TMEM245: variants seen among roughly 807,000 people sequenced by gnomAD.
The protein encoded by TMEM245 is protein CG-2.
A neutral mutation model predicts 101.2 loss-of-function variants in TMEM245; 69 were observed. The ratio of observed to expected loss-of-function variants is 0.68; its 90% CI spans 0.56 to 0.83. The LOEUF is 0.83. Ranked by LOEUF, TMEM245 falls within the 40% of genes least tolerant of loss-of-function variation. The pLI, the probability that TMEM245 is intolerant of heterozygous loss-of-function variation, is 0.00. For synonymous variants in TMEM245, 537 were observed against 449.8 expected, an observed-to-expected ratio of 1.19 and a Z score of -2.45; for missense variants, 1,075 against 1,092.8, an observed-to-expected ratio of 0.98 and a Z score of 0.23.
chr9:109,020,385 G>T lies in TMEM245; in HGVS notation c.*75C>A. The T allele has an allele frequency of 6.9e-7, 1 of 1,439,482 alleles. No individual in the cohort carries two copies. The highest frequency in any genetic ancestry group is 9.8e-7 in the Non-Finnish European group (1 of 1,020,762). The allele number at this position is 1,439,482 out of a possible 1,614,324, so 89.2% of individuals were successfully genotyped here. The stretch of plus-strand genomic sequence containing the variant: ...TTGCTTGCTAGGCACAGCTGGAAGG[G>T]CAGAGGGCCACAGCTGAGCTGAACT... On this transcript the variant is annotated 3_prime_UTR_variant, in exon 18 of 18. Transcript: ENST00000374586.
intron 14 of TMEM245, among the ~76,000 whole-genome samples, chr9:109,041,412 C>T (rs987709008): frequency 1.3e-5 from 2 of 148,792 alleles, no homozygotes; most frequent in African/African-American, 5.0e-5. Context: ...AAGAGTTGAA[C>T]TCATAGAAGT....
At chr9:109,063,188 C>T (rs1201893232) in intron 10 of TMEM245, among the ~76,000 whole-genome samples, 3 of 151,730 alleles carry the variant, frequency 2.0e-5, no homozygotes, top group African/African-American at 7.3e-5. Flanking sequence ...GGCATGATCT[C>T]GGCTCACTGC....
At position 109,055,760 on chromosome 9, in the gene TMEM245, G is replaced by T. The variant is rs186663289; in HGVS notation, c.1854+1431C>A. 3.8e-4 allele frequency among the ~76,000 whole-genome samples: 58 copies of T among 151,938 alleles called. No homozygotes were observed. The East Asian group carries it at 0.011, about 28-fold the overall frequency. On this transcript the variant is annotated intron_variant, in intron 12 of 17. Transcript: ENST00000374586. ...AGCGATTCTCCTGCCTCAGCCTCCC[G>T]AGTATCTGGGATTACAGGCATGCGC...
At chr9:109,092,471 C>T (rs1157731188) in intron 4 of TMEM245, among the ~76,000 whole-genome samples, 1 of 152,228 alleles carries the variant, frequency 6.6e-6, no homozygotes, top group Non-Finnish European at 1.5e-5. Context: ...TTAACAGATG[C>T]TTTTGTTTGA....
chr9:109,036,494 C>T (rs1375921685), intron 15 of TMEM245, 114 bp from the exon 16 acceptor site: 3 of 1,004,302 alleles, frequency 3.0e-6, no homozygotes, highest in African/African-American at 3.3e-5. Context: ...AAGTTAAATA[C>T]TCACAAACTC....
chr9:109,114,729 C>T (rs1830665445), intron 1 of TMEM245, among the ~76,000 whole-genome samples: 1 of 152,158 alleles, frequency 6.6e-6, no homozygotes, highest in African/African-American at 2.4e-5. Flanking sequence ...GATCAGAATG[C>T]CCCCCAACAG....
intron 11 of TMEM245, among the ~76,000 whole-genome samples, chr9:109,059,211 A>G (rs1422357865): frequency 6.6e-6 from 1 of 152,154 alleles, no homozygotes; most frequent in African/African-American, 2.4e-5. Context: ...TATTCCCTGA[A>G]TATTTTTTCC....
intron 3 of TMEM245, among the ~76,000 whole-genome samples, chr9:109,102,880 G>C (rs1469355106): frequency 6.6e-6 from 1 of 152,230 alleles, no homozygotes; most frequent in Non-Finnish European, 1.5e-5. Flanking sequence ...TTTGTGTTCA[G>C]ATTTACCTCT....
Position 109,119,833 on chromosome 9 carries a change from G to T in TMEM245, c.81C>A (p.Val27=). The change falls in exon 1 of 18, where the codon GTC becomes GTA. Residue 27 remains valine, a synonymous_variant. Coordinates refer to ENST00000374586, the MANE Select transcript of TMEM245 (RefSeq NM_032012.4). The part of the protein sequence containing the change: ...PGPAPRVPRA[V]GPSGGGGETP... Reference sequence around the variant, plus strand: ...TCTCCCCGCCACCGCCACTCGGCCCGACCGCGCGCGGGACCCGCGGCGCCG... The same window carrying T: ...TCTCCCCGCCACCGCCACTCGGCCCTACCGCGCGCGGGACCCGCGGCGCCG... 1.5e-6 allele frequency: 2 copies of T among 1,354,906 alleles called. No individual in the cohort carries two copies. The highest frequency in any genetic ancestry group is 3.8e-5 in the South Asian group (2 of 52,502). The allele number at this position is 1,354,906 out of a possible 1,614,324, so 83.9% of individuals were successfully genotyped here.
chr9:109,038,984 G>C (rs974031675), intron 14 of TMEM245: 9 of 152,240 alleles, frequency 5.9e-5, no homozygotes, highest in Non-Finnish European at 8.8e-5. Context: ...GGGTGGTGCA[G>C]AGGGGTGCAG....
At chr9:109,035,701 TA>T (rs1396880939) in intron 16 of TMEM245, among the ~76,000 whole-genome samples, 1 of 152,168 alleles carries the variant, frequency 6.6e-6, no homozygotes, top group Non-Finnish European at 1.5e-5. Flanking sequence ...TAAATGTCAC[TA>T]AATCAAGAGA....
chr9:109,114,983 G>A (rs1385472021), intron 1 of TMEM245, among the ~76,000 whole-genome samples: 1 of 152,142 alleles, frequency 6.6e-6, no homozygotes, highest in East Asian at 1.9e-4. Flanking sequence ...CGGAGTTTTA[G>A]GAGACTGAAG....
At chr9:109,067,554 C>T (rs1564189515) in intron 9 of TMEM245, among the ~76,000 whole-genome samples, 1 of 152,132 alleles carries the variant, frequency 6.6e-6, no homozygotes, top group Non-Finnish European at 1.5e-5. Context: ...GGGTTTCTCC[C>T]AAGTAAGCGA....
chr9:109,015,740 C>T lies in TMEM245; in HGVS notation c.*4720G>A, dbSNP rs572158955. 2 of 152,556 alleles carry T rather than the reference C, an allele frequency of 1.3e-5. No individual in the cohort carries two copies. The highest frequency in any genetic ancestry group is 4.8e-5 in the African/African-American group (2 of 41,416). The allele number at this position is 152,556 out of a possible 1,614,324, so 9.5% of individuals were successfully genotyped here. A position where few individuals can be genotyped will look rare whatever the true frequency, so the allele number is the denominator to read the frequency against. On this transcript the variant is annotated 3_prime_UTR_variant, in exon 18 of 18. Transcript: ENST00000374586. Reference sequence around the variant, plus strand: ...CTTTTCAGAGCCTCCAGAGCCCCCCCATCTGTACAATAAGGATAATATTGT... The same window carrying T: ...CTTTTCAGAGCCTCCAGAGCCCCCCTATCTGTACAATAAGGATAATATTGT...
chr9:109,040,310 A>G (rs1258303875), intron 14 of TMEM245, among the ~76,000 whole-genome samples: 1 of 152,222 alleles, frequency 6.6e-6, no homozygotes. Flanking sequence ...TCAAATTCCT[A>G]GCAACTTTTT....
At position 109,119,746 on chromosome 9, in the gene TMEM245, G is replaced by A. The variant is rs1357787572; in HGVS notation, c.168C>T (p.Asn56=). 2 of 1,526,726 alleles carry A rather than the reference G, an allele frequency of 1.3e-6. No individual in the cohort carries two copies. The highest frequency in any genetic ancestry group is 1.8e-6 in the Non-Finnish European group (2 of 1,142,814). The allele number at this position is 1,526,726 out of a possible 1,614,324, so 94.6% of individuals were successfully genotyped here. The change falls in exon 1 of 18, where the codon AAC becomes AAT. Residue 56 remains asparagine, a synonymous_variant. Transcript: ENST00000374586. ...GGCACACGAACAGCACGGCCCCGGT[G>A]TTGTAGAAGGCCTGCTTAATGGGCT... ...FDKPIKQAFY[N]TGAVLFVCLC... is the part of the protein sequence containing the mutation.
intron 17 of TMEM245, among the ~76,000 whole-genome samples, chr9:109,028,250 G>GAC: frequency 6.6e-6 from 1 of 151,388 alleles, no homozygotes; most frequent in Non-Finnish European, 1.5e-5. Flanking sequence ...AGGAGTTCGA[G>GAC]ACCAGCCTGG....
intron 1 of TMEM245, among the ~76,000 whole-genome samples, chr9:109,117,108 GT>G (rs1830743672): frequency 6.6e-6 from 1 of 151,538 alleles, no homozygotes; most frequent in East Asian, 1.9e-4. Context: ...GAATTTCAAG[GT>G]TTTTTTGGTT....
At chr9:109,091,935 G>GA (rs1425871846) in intron 4 of TMEM245, among the ~76,000 whole-genome samples, 3 of 151,946 alleles carry the variant, frequency 2.0e-5, no homozygotes, top group Non-Finnish European at 2.9e-5. Context: ...CCTTCCATTA[G>GA]AAAAAAATGT....
Sources: allele counts gnomAD v4.1 joint callset (sites outside exome capture counted in the v4.1 genomes callset), GRCh38; gene constraint gnomAD v4.1.1; transcripts MANE v1.5; gene names NCBI Gene and HGNC (gene_info 2026-07-23, HGNC 2026-07-21).